Variants in PDE9A observed in about 807,000 individuals in gnomAD.
The protein encoded by PDE9A is phosphodiesterase 9A, also known as high affinity cGMP-specific 3',5'-cyclic phosphodiesterase 9A.
PDE9A carries 60 observed loss-of-function variants against 87.4 expected under a neutral mutation model. That is an observed-to-expected ratio of 0.69 (90% CI 0.56 to 0.85). The LOEUF is 0.85. PDE9A is among the 40% of genes least tolerant of loss of function. The pLI, the probability that PDE9A is intolerant of heterozygous loss-of-function variation, is 0.00. For missense variants in PDE9A, 665 were observed against 779.0 expected (o/e 0.85, Z 1.74); for synonymous variants, 272 against 279.4 (o/e 0.97, Z 0.27).
At chr21:42,693,384 T>C (rs1249187276) in intron 3 of PDE9A, among the ~76,000 whole-genome samples, 9 of 151,308 alleles carry the variant, frequency 5.9e-5, no homozygotes, top group South Asian at 2.1e-4. Flanking sequence ...CTGCAAGCTC[T>C]GCCTTCCGGG....
intron 4 of PDE9A, among the ~76,000 whole-genome samples, chr21:42,728,871 G>T (rs28819486): frequency 0.11 from 16,787 of 151,812 alleles, 1,159 homozygotes; most frequent in East Asian, 0.33. Context: ...CTTAGTGGCG[G>T]GCACCTATAA....
intron 17 of PDE9A, among the ~76,000 whole-genome samples, chr21:42,769,987 A>C (rs763306354): frequency 1.3e-5 from 2 of 151,878 alleles, no homozygotes; most frequent in Non-Finnish European, 2.9e-5. Context: ...GCCGGCCTTC[A>C]GGACCCTGGA....
At chr21:42,732,993 G>A (rs983380185) in intron 6 of PDE9A, among the ~76,000 whole-genome samples, 18 of 152,202 alleles carry the variant, frequency 1.2e-4, no homozygotes, top group African/African-American at 1.9e-4. Context: ...CAGGTCCTCC[G>A]AAGGTGTCTG....
chr21:42,690,397 G>A (rs143759199), intron 3 of PDE9A, among the ~76,000 whole-genome samples: 312 of 152,252 alleles, frequency 2.0e-3, no homozygotes, highest in African/African-American at 7.2e-3. Context: ...TCTAGACAGC[G>A]ATGTGGATGT....
chr21:42,662,807 A>C (rs201755092), intron 1 of PDE9A, among the ~76,000 whole-genome samples: 2 of 130,434 alleles, frequency 1.5e-5, no homozygotes, highest in East Asian at 7.5e-4. Context: ...CACACACACC[A>C]CACACACGCA....
chr21:42,721,843 C>A (rs2050562337), intron 4 of PDE9A, among the ~76,000 whole-genome samples: 2 of 143,536 alleles, frequency 1.4e-5, no homozygotes. Flanking sequence ...CTGCTCCCAC[C>A]CCCCACAATC....
At chr21:42,724,450 T>C (rs2050831801) in intron 4 of PDE9A, 1 of 192,868 alleles carries the variant, frequency 5.2e-6, no homozygotes, top group Non-Finnish European at 9.5e-6. Context: ...CCAATGATTC[T>C]AGGGTCAGGA....
chr21:42,692,267 G>A lies in PDE9A; in HGVS notation c.218+4273G>A, dbSNP rs1330790530. ...CAGAGCAGTTTTTTCTTCTGGGGAC[G>A]CAGGGCAACGTCTGGAGACATTTCT... On this transcript the variant is annotated intron_variant, in intron 3 of 19. Coordinates refer to ENST00000291539, the MANE Select transcript of PDE9A (RefSeq NM_002606.3). The surrounding 1 kb of genome is among the most constrained non-coding windows in gnomAD (Gnocchi z 4.3). 1.3e-5 allele frequency among the ~76,000 whole-genome samples: 2 copies of A among 152,092 alleles called. No homozygotes were observed. Among genetic ancestry groups the A allele is most frequent in the South Asian group, 2.1e-4 (1 of 4,814 alleles).
rs953337651 is a variant in PDE9A at position 42,723,726 on chromosome 21, A to T, written c.263-8044A>T. Reference sequence around the variant, plus strand: ...GGTTTCCATCACATGGATCAGCGAGAGTTAATGCTGACTCCCCCTCCCTCG... The same window carrying T: ...GGTTTCCATCACATGGATCAGCGAGTGTTAATGCTGACTCCCCCTCCCTCG... On this transcript the variant is annotated intron_variant, in intron 4 of 19. Coordinates refer to ENST00000291539, the MANE Select transcript of PDE9A (RefSeq NM_002606.3). This position sits in a 1 kb window ranked among gnomAD's most constrained non-coding sequence, Gnocchi z 4.3. 6.6e-6 allele frequency among the ~76,000 whole-genome samples: 1 copy of T among 152,036 alleles called. No individual in the cohort carries two copies. Among genetic ancestry groups the T allele is most frequent in the Non-Finnish European group, 1.5e-5 (1 of 68,016 alleles).
intron 4 of PDE9A, among the ~76,000 whole-genome samples, chr21:42,714,016 AT>A (rs11403559): frequency 0.018 from 1,666 of 90,340 alleles, 9 homozygotes; most frequent in South Asian, 0.042. Context: ...TTTCATTCCA[AT>A]TTTTTTTTTT....
At chr21:42,700,379 C>T (rs2048284988) in intron 4 of PDE9A, among the ~76,000 whole-genome samples, 1 of 152,178 alleles carries the variant, frequency 6.6e-6, no homozygotes, top group Admixed American at 6.5e-5. Flanking sequence ...TGGCTAAATA[C>T]CTATGATACC....
chr21:42,770,882 G>A (rs1038099121), intron 18 of PDE9A, 84 bp downstream of exon 18: 72 of 1,031,978 alleles, frequency 7.0e-5, no homozygotes, highest in Non-Finnish European at 1.0e-4. Flanking sequence ...AAGCTTGGAC[G>A]TGCCAAGCAG....
chr21:42,747,435 G>A (rs575998473), intron 8 of PDE9A, among the ~76,000 whole-genome samples: 6 of 152,312 alleles, frequency 3.9e-5, no homozygotes, highest in African/African-American at 1.4e-4. Context: ...CACACAAATG[G>A]CCAGTGTGAG....
chr21:42,676,697 G>T (rs112389802), intron 1 of PDE9A, among the ~76,000 whole-genome samples: 8 of 152,328 alleles, frequency 5.3e-5, no homozygotes, highest in African/African-American at 1.9e-4. Context: ...CATCTCTAGT[G>T]TGGGGCAGTG....
intron 2 of PDE9A, 134 bp downstream of exon 2, chr21:42,686,396 A>T (rs892820681): frequency 7.4e-6 from 5 of 674,618 alleles, no homozygotes; most frequent in Non-Finnish European, 1.3e-5. Flanking sequence ...TTCGAAATCA[A>T]TCAATGCGCA....
In PDE9A at chr21:42,753,595, G is replaced by A. The variant is rs751373012; in HGVS notation, c.736-395G>A. ...AGAACGGGAGAAGCTGGGTGCGGTG[G>A]CTCACACCTGTAATCCCAACACTTG... is the stretch of plus-strand genomic sequence containing the variant. On this transcript the variant is annotated intron_variant, in intron 9 of 19. Transcript: ENST00000291539. Among the ~76,000 whole-genome samples, 22 of 152,006 alleles carry A rather than the reference G, an allele frequency of 1.4e-4. 1 individual carries two copies. Among genetic ancestry groups the A allele is most frequent in the Admixed American group, 4.6e-4 (7 of 15,266 alleles).
intron 17 of PDE9A, among the ~76,000 whole-genome samples, chr21:42,769,430 GCA>G (rs1453231175): frequency 1.6e-5 from 2 of 123,584 alleles, no homozygotes; most frequent in Non-Finnish European, 3.3e-5. Flanking sequence ...ACACACTCGT[GCA>G]CACACATGTA....
chr21:42,746,129 G>C (rs2053822751), intron 8 of PDE9A, among the ~76,000 whole-genome samples: 1 of 152,234 alleles, frequency 6.6e-6, no homozygotes, highest in South Asian at 2.1e-4. Context: ...TCTTGCCTCT[G>C]CCGTGCCTGA....
At chr21:42,658,634 G>A (rs1441517459) in intron 1 of PDE9A, among the ~76,000 whole-genome samples, 2 of 152,148 alleles carry the variant, frequency 1.3e-5, no homozygotes, top group African/African-American at 2.4e-5. Context: ...GCAGGGCTGC[G>A]TCCCCCGGCC....
Sources: allele counts gnomAD v4.1 joint callset (sites outside exome capture counted in the v4.1 genomes callset), GRCh38; gene constraint gnomAD v4.1.1; non-coding constraint Gnocchi (gnomAD v3.1); transcripts MANE v1.5; gene names NCBI Gene and HGNC (gene_info 2026-07-23, HGNC 2026-07-21).